The following RALGPS1 variants were observed in gnomAD, a reference collection of about 807,000 sequenced individuals.
RALGPS1 encodes ras-specific guanine nucleotide-releasing factor RalGPS1.
A neutral mutation model predicts 78.8 loss-of-function variants in RALGPS1; 19 were observed. The observed-to-expected ratio is 0.24, with a 90% CI of 0.17 to 0.35. The LOEUF (loss-of-function observed/expected upper bound fraction) is 0.35, where lower values mean the gene tolerates loss of function less well. Among genes scored for constraint, RALGPS1 ranks in the 10% least tolerant of loss-of-function variants. The pLI is 1.00. For synonymous variants in RALGPS1, 228 were observed against 256.3 expected (o/e 0.89, Z 1.06); for missense variants, 454 against 688.3 (o/e 0.66, Z 3.81).
intron 8 of RALGPS1, among the ~76,000 whole-genome samples, chr9:127,102,897 G>A (rs182924564): frequency 4.6e-5 from 7 of 152,336 alleles, no homozygotes; most frequent in African/African-American, 1.4e-4. Context: ...ATTGTACAGT[G>A]GAAACAGCAC....
chr9:127,079,494 A>G (rs780132122), intron 8 of RALGPS1: 7 of 152,226 alleles, frequency 4.6e-5, no homozygotes, highest in Non-Finnish European at 8.8e-5. Flanking sequence ...TCTAACAAAT[A>G]TGACAGAAAT....
Position 127,221,448 on chromosome 9 carries a change from A to G in RALGPS1, c.*2679A>G, listed in dbSNP as rs1022323826. The G allele has an allele frequency of 1.3e-5, 2 of 152,212 alleles. No individual in the cohort carries two copies. The highest frequency in any genetic ancestry group is 2.9e-5 in the Non-Finnish European group (2 of 68,030). 9.4% of individuals were successfully genotyped at this position (152,212 alleles called of 1,614,324 possible). A position where few individuals can be genotyped will look rare whatever the true frequency, so the allele number is the denominator to read the frequency against. ...TACAACTGTGGAGTTGGTAGCTGGT[A>G]ACATTGTTGTCTCAAGAACAACTCA... is the stretch of plus-strand genomic sequence containing the variant. On this transcript the variant is annotated 3_prime_UTR_variant, in exon 19 of 19. Coordinates refer to ENST00000259351, the MANE Select transcript of RALGPS1 (RefSeq NM_014636.3).
chr9:127,127,532 G>A (rs1475096039), intron 8 of RALGPS1, among the ~76,000 whole-genome samples: 1 of 152,134 alleles, frequency 6.6e-6, no homozygotes, highest in Non-Finnish European at 1.5e-5. Context: ...ATCATAGTCT[G>A]TTGGGAAATG....
intron 3 of RALGPS1, among the ~76,000 whole-genome samples, chr9:126,976,018 C>T (rs900678869): frequency 6.6e-6 from 1 of 152,220 alleles, no homozygotes; most frequent in Non-Finnish European, 1.5e-5. Flanking sequence ...TGAGGATGGT[C>T]TGCTTTGGCC....
chr9:127,176,014 G>A (rs1331803735), intron 11 of RALGPS1, among the ~76,000 whole-genome samples: 2 of 152,128 alleles, frequency 1.3e-5, no homozygotes, highest in Admixed American at 6.5e-5. Flanking sequence ...TCCCAGGGGG[G>A]ACTCCGGGCT....
chr9:127,191,689 G>GTTTTTTT (rs2061045027), intron 11 of RALGPS1, among the ~76,000 whole-genome samples: 2 of 143,498 alleles, frequency 1.4e-5, no homozygotes, highest in African/African-American at 5.2e-5. Context: ...TTGTTTTTTG[G>GTTTTTTT]GTTTTTTTTT....
At position 127,094,157 on chromosome 9, in the gene RALGPS1, C is replaced by T. The variant is rs77256660; in HGVS notation, c.610+24801C>T. Among the ~76,000 whole-genome samples the T allele has an allele frequency of 4.3e-3, 662 of 152,250 alleles. 7 individuals carry two copies. The highest frequency in any genetic ancestry group is 0.015 in the African/African-American group (612 of 41,544). Reference sequence around the variant, plus strand: ...TCCAAGCTCACTTTCTCCTCTCACCCGCCTCACAGTTTGACTTTTGGCAGA... The same window carrying T: ...TCCAAGCTCACTTTCTCCTCTCACCTGCCTCACAGTTTGACTTTTGGCAGA... On this transcript the variant is annotated intron_variant, in intron 8 of 18. Transcript: ENST00000259351.
intron 7 of RALGPS1, among the ~76,000 whole-genome samples, chr9:127,062,833 G>A (rs2049342124): frequency 6.6e-6 from 1 of 152,154 alleles, no homozygotes; most frequent in African/African-American, 2.4e-5. Context: ...TTTTATATTA[G>A]GTATGTGACT....
At chr9:127,042,566 A>G (rs1455957451) in intron 5 of RALGPS1, among the ~76,000 whole-genome samples, 2 of 152,252 alleles carry the variant, frequency 1.3e-5, no homozygotes, top group Non-Finnish European at 2.9e-5. Flanking sequence ...AACATCATAC[A>G]TAATGGTAAG....
At chr9:127,195,325 C>A (rs1014353203) in intron 12 of RALGPS1, 108 bp downstream of exon 12, 21 of 1,400,426 alleles carry the variant, frequency 1.5e-5, no homozygotes, top group Non-Finnish European at 2.0e-5. Context: ...CTGCCCTGTT[C>A]TGGGAGTTGC....
intron 14 of RALGPS1, among the ~76,000 whole-genome samples, chr9:127,208,282 G>A (rs139632119): frequency 2.6e-5 from 4 of 152,348 alleles, no homozygotes; most frequent in East Asian, 3.9e-4. Flanking sequence ...CCCAGGCAGC[G>A]TGAGTGCAGG....
intron 4 of RALGPS1, among the ~76,000 whole-genome samples, chr9:126,984,768 C>G (rs1293495357): frequency 6.6e-6 from 1 of 152,166 alleles, no homozygotes; most frequent in African/African-American, 2.4e-5. Flanking sequence ...TTTGGCCCAA[C>G]AAGATCCCCA....
At position 127,183,423 on chromosome 9, in the gene RALGPS1, C is replaced by T. The variant is rs1436069668; in HGVS notation, c.910+8641C>T. Among the ~76,000 whole-genome samples the T allele has an allele frequency of 6.6e-6, 1 of 152,200 alleles. No homozygotes were observed. The highest frequency in any genetic ancestry group is 2.4e-5 in the African/African-American group (1 of 41,454). ...TGCCAGCTTCCTGATGTTTGGGTCC[C>T]CTCCAGCCCTCAACTCTGCCAGCTT... is the stretch of plus-strand genomic sequence containing the variant. On this transcript the variant is annotated intron_variant, in intron 11 of 18. Transcript: ENST00000259351. This position sits in a 1 kb window ranked among gnomAD's most constrained non-coding sequence, Gnocchi z 4.0.
chr9:126,951,710 T>A, intron 1 of RALGPS1, among the ~76,000 whole-genome samples: 1 of 152,242 alleles, frequency 6.6e-6, no homozygotes, highest in Non-Finnish European at 1.5e-5. Context: ...ACAGCCATTG[T>A]CATACTGAAT....
Position 127,213,040 on chromosome 9 carries a change from C to G in RALGPS1, c.1543C>G (p.Pro515Ala), listed in dbSNP as rs1386866604. 1 of 1,614,106 alleles carries G rather than the reference C, an allele frequency of 6.2e-7. No individual in the cohort carries two copies. Among genetic ancestry groups the G allele is most frequent in the Admixed American group, 1.7e-5 (1 of 60,006 alleles). ...EHPDIFQLNN[P>A]DKGNVYKFQT... is the part of the protein sequence containing the mutation. Reference sequence around the variant, plus strand: ...CCCAGATATCTTCCAGCTGAACAACCCTGACAAAGGTAGGCAGCAGGCCAG... The same window carrying G: ...CCCAGATATCTTCCAGCTGAACAACGCTGACAAAGGTAGGCAGCAGGCCAG... The change falls in exon 17 of 19, where the codon CCT becomes GCT. Residue 515 changes from proline (P) to alanine (A), a missense_variant. Pro to Ala is a conservative substitution (Grantham distance 27, BLOSUM62 -1). Coordinates refer to ENST00000259351, the MANE Select transcript of RALGPS1 (RefSeq NM_014636.3).
Position 127,050,141 on chromosome 9 carries a change from T to C in RALGPS1, c.390+9T>C. 6.3e-7 allele frequency: 1 copy of C among 1,587,730 alleles called. No homozygotes were observed. Among genetic ancestry groups the C allele is most frequent in the Non-Finnish European group, 8.6e-7 (1 of 1,156,218 alleles). On this transcript the variant is annotated intron_variant, in intron 6 of 18. Coordinates refer to ENST00000259351, the MANE Select transcript of RALGPS1 (RefSeq NM_014636.3). ...TTGTGAAAATAGCCAAGGTAAGCTT[T>C]TTATTATTATTTTTCCTTCCTTTCC... is the stretch of plus-strand genomic sequence containing the variant.
At chr9:127,217,435 C>T in intron 18 of RALGPS1, 2 of 988,186 alleles carry the variant, frequency 2.0e-6, no homozygotes, top group Non-Finnish European at 2.4e-6. Context: ...GACAGAAATG[C>T]ATCTATTCAC....
intron 8 of RALGPS1, among the ~76,000 whole-genome samples, chr9:127,111,543 G>GGATC (rs1386374856): frequency 6.6e-6 from 1 of 152,212 alleles, no homozygotes; most frequent in African/African-American, 2.4e-5. Flanking sequence ...ATTGGGGCAG[G>GGATC]GATCCCATGG....
At chr9:126,989,323 G>A (rs115037436) in intron 4 of RALGPS1, among the ~76,000 whole-genome samples, 11 of 152,290 alleles carry the variant, frequency 7.2e-5, no homozygotes, top group African/African-American at 2.6e-4. Context: ...GAGAAGTTTA[G>A]TGAAGTGTGT....
Sources: gnomAD v4.1 joint callset for allele counts (sites outside exome capture counted in the v4.1 genomes callset) on GRCh38, gnomAD v4.1.1 for gene constraint, Gnocchi (gnomAD v3.1) non-coding constraint, MANE v1.5 for transcripts, NCBI Gene and HGNC (gene_info 2026-07-23, HGNC 2026-07-21) for gene names.